The following CYP4F22 variants were observed in gnomAD, a reference collection of about 807,000 sequenced individuals.
The protein encoded by CYP4F22 is ultra-long-chain fatty acid omega-hydroxylase.
A neutral mutation model predicts 60.4 loss-of-function variants in CYP4F22; 37 were observed. The observed-to-expected ratio is 0.61, with a 90% CI of 0.47 to 0.81. CYP4F22 has a LOEUF of 0.81. Ranked by LOEUF, CYP4F22 falls within the 30% of genes least tolerant of loss-of-function variation. CYP4F22 has a pLI of 0.00. For synonymous variants in CYP4F22, 258 were observed against 280.5 expected, an observed-to-expected ratio of 0.92 and a Z score of 0.80; for missense variants, 655 against 715.0, an observed-to-expected ratio of 0.92 and a Z score of 0.96.
At position 15,539,502 on chromosome 19, in the gene CYP4F22, A is replaced by G. The variant is rs146222562; in HGVS notation, c.672-948A>G. ...ATAATGCTGCTATTAACATTCATGC[A>G]CAAAGTTTTGTGTGAACATACATTT... On this transcript the variant is annotated intron_variant, in intron 7 of 13. Transcript: ENST00000269703. Among the ~76,000 whole-genome samples the G allele has an allele frequency of 2.0e-3, 298 of 152,354 alleles. 2 individuals carry two copies. Among genetic ancestry groups the G allele is most frequent in the African/African-American group, 7.0e-3 (290 of 41,578 alleles).
At position 15,537,598 on chromosome 19, in the gene CYP4F22, C is replaced by G. The variant is rs187004457; in HGVS notation, c.485C>G (p.Ala162Gly). 200 of 1,614,162 alleles carry G rather than the reference C, an allele frequency of 1.2e-4. No homozygotes were observed. The highest frequency in any genetic ancestry group is 2.5e-4 in the Admixed American group (15 of 60,020). Reference protein sequence around the residue: ...WSRHRRLLTPAFHFDILKPYM... With the variant: ...WSRHRRLLTPGFHFDILKPYM... ...CGGCACCGTCGCCTGCTGACACCCG[C>G]CTTCCACTTTGACATCCTGAAGCCT... Residue 162 changes from alanine to glycine, a missense_variant, in exon 6 of 14, where the codon GCC becomes GGC. Transcript: ENST00000269703.
rs144961059 is a variant in CYP4F22 at position 15,550,690 on chromosome 19, G to C, written c.1352G>C (p.Arg451Pro). The C allele has an allele frequency of 6.2e-7, 1 of 1,614,104 alleles. No individual in the cohort carries two copies. Among genetic ancestry groups the C allele is most frequent in the African/African-American group, 1.3e-5 (1 of 75,020 alleles). The part of the protein sequence containing the change: ...WPDSKVYNPY[R>P]FDPDNPQQRS... ...CCTCCCTAGGTGTACAACCCCTACC[G>C]CTTTGACCCGGACAACCCACAGCAG... is the stretch of plus-strand genomic sequence containing the variant. The change falls in exon 13 of 14, where the codon CGC becomes CCC. Residue 451 changes from arginine to proline, a missense_variant. Physicochemically the swap from Arg to Pro is moderately radical, Grantham distance 103 (BLOSUM62 -2). Coordinates refer to ENST00000269703, the MANE Select transcript of CYP4F22 (RefSeq NM_173483.4).
intron 2 of CYP4F22, 27 bp from the exon 3 acceptor site, chr19:15,525,309 C>T (rs767379310): frequency 1.1e-5 from 17 of 1,607,740 alleles, no homozygotes; most frequent in African/African-American, 5.3e-5. Context: ...TGCATGGCAC[C>T]GACCCCCTGA....
At chr19:15,539,052 A>G (rs551623767) in intron 7 of CYP4F22, among the ~76,000 whole-genome samples, 1 of 152,332 alleles carries the variant, frequency 6.6e-6, no homozygotes, top group South Asian at 2.1e-4. Flanking sequence ...CAATTCACAT[A>G]CTATACCATT....
intron 10 of CYP4F22, among the ~76,000 whole-genome samples, chr19:15,545,400 C>A (rs1286812666): frequency 1.3e-5 from 2 of 152,012 alleles, no homozygotes; most frequent in African/African-American, 4.8e-5. Context: ...GTAATTCCAG[C>A]ACTTTGGGAG....
At chr19:15,549,002 T>A in intron 11 of CYP4F22, 136 bp from the exon 12 acceptor site, 1 of 930,942 alleles carries the variant, frequency 1.1e-6, no homozygotes, top group East Asian at 2.6e-5. Context: ...GCAGAATTTT[T>A]TAGAGAAGGA....
At chr19:15,516,754 C>T (rs1971159673) in intron 1 of CYP4F22, 2 of 624,132 alleles carry the variant, frequency 3.2e-6, no homozygotes, top group Non-Finnish European at 2.6e-6. Flanking sequence ...CCTGGAATCC[C>T]TGGACTCTGG....
intron 1 of CYP4F22, among the ~76,000 whole-genome samples, chr19:15,509,262 G>C (rs1434582984): frequency 6.6e-6 from 1 of 152,184 alleles, no homozygotes; most frequent in Non-Finnish European, 1.5e-5. Context: ...GGCCCAGCCT[G>C]GGTATGCAAG....
At chr19:15,543,858 G>GA (rs573134093) in intron 8 of CYP4F22, 113 bp from the exon 9 acceptor site, 24,410 of 836,750 alleles carry the variant, frequency 0.029, 3 homozygotes, top group Middle Eastern at 0.036. Context: ...CTCCATCTCA[G>GA]AAAAAAAAAA....
At chr19:15,548,335 G>A (rs1971557394) in intron 11 of CYP4F22, 94 bp downstream of exon 11, 2 of 1,569,932 alleles carry the variant, frequency 1.3e-6, no homozygotes, top group South Asian at 1.1e-5. Context: ...TGCCCCAGGT[G>A]CACTATCCCT....
intron 1 of CYP4F22, among the ~76,000 whole-genome samples, chr19:15,523,372 C>CA (rs1357410163): frequency 2.0e-5 from 3 of 151,822 alleles, no homozygotes. Context: ...AAACAAAAAA[C>CA]AAAAAAACTC....
chr19:15,547,977 G>C lies in CYP4F22; in HGVS notation c.1137-131G>C, dbSNP rs924355261. 283 of 849,064 alleles carry C rather than the reference G, an allele frequency of 3.3e-4. 5 individuals are homozygous for C. Among genetic ancestry groups the C allele is most frequent in the South Asian group, 1.2e-3 (72 of 62,244 alleles). 52.6% of individuals were successfully genotyped at this position (849,064 alleles called of 1,614,324 possible). The stretch of plus-strand genomic sequence containing the variant: ...CTTGCCCAGCTGCCCCTGAGAGAGA[G>C]AGAGAGAGAGAGAGAGAGGGAGAGA... On this transcript the variant is annotated intron_variant, in intron 10 of 13. Coordinates refer to ENST00000269703, the MANE Select transcript of CYP4F22 (RefSeq NM_173483.4).
In CYP4F22 at chr19:15,545,708, G is replaced by A. The variant is rs146758522; in HGVS notation, c.1136+1429G>A. 1.4e-3 allele frequency among the ~76,000 whole-genome samples: 186 copies of A among 134,218 alleles called. 2 individuals carry two copies. The East Asian group carries it at 0.036, about 26-fold the overall frequency. The allele number at this position is 134,218 out of a possible 152,430, so 88.1% of individuals were successfully genotyped here. On this transcript the variant is annotated intron_variant, in intron 10 of 13. Transcript: ENST00000269703. ...AAAAGAAAAGAAGAAAAACACAGCC[G>A]CAACATTAAATAGCATCAACTCACA...
chr19:15,520,672 C>T (rs893846226), intron 1 of CYP4F22, among the ~76,000 whole-genome samples: 4 of 152,094 alleles, frequency 2.6e-5, no homozygotes, highest in Non-Finnish European at 4.4e-5. Flanking sequence ...ACTGCAACCT[C>T]CGCCTCCCAA....
intron 4 of CYP4F22, among the ~76,000 whole-genome samples, chr19:15,531,804 T>G (rs1179654917): frequency 6.6e-6 from 1 of 152,088 alleles, no homozygotes; most frequent in East Asian, 1.9e-4. Flanking sequence ...GAAGCCTGAA[T>G]AATATAATGT....
intron 3 of CYP4F22, among the ~76,000 whole-genome samples, chr19:15,526,880 G>A (rs1251246562): frequency 1.3e-5 from 2 of 151,738 alleles, no homozygotes; most frequent in Non-Finnish European, 2.9e-5. Flanking sequence ...AAGTAGCTGC[G>A]ACTGCAAGCC....
chr19:15,535,833 C>G (rs185308760), intron 4 of CYP4F22, among the ~76,000 whole-genome samples: 4 of 152,340 alleles, frequency 2.6e-5, no homozygotes, highest in Admixed American at 1.3e-4. Context: ...AAAAATTTAT[C>G]TAGCACAACA....
intron 4 of CYP4F22, among the ~76,000 whole-genome samples, chr19:15,536,070 G>A (rs935684143): frequency 1.3e-5 from 2 of 152,204 alleles, no homozygotes; most frequent in African/African-American, 2.4e-5. Context: ...CGGGCATGGT[G>A]GCTTATGCCT....
chr19:15,509,904 C>CCTTCCTTTCCTTCCTTCTTTCTTTCTTT (rs1323141197), intron 1 of CYP4F22, among the ~76,000 whole-genome samples: 9 of 86,784 alleles, frequency 1.0e-4, no homozygotes, highest in South Asian at 4.5e-4. Context: ...TTCCTTCCTT[C>CCTTCCTTTCCTTCCTTCTTTCTTTCTTT]CTTTCTTTCT....
Sources: allele counts gnomAD v4.1 joint callset (sites outside exome capture counted in the v4.1 genomes callset), GRCh38; gene constraint gnomAD v4.1.1; transcripts MANE v1.5; gene names NCBI Gene and HGNC (gene_info 2026-07-23, HGNC 2026-07-21).